The following PRKD2 variants were observed in gnomAD, a reference collection of about 807,000 sequenced individuals.
PRKD2 encodes the protein serine/threonine-protein kinase D2.
PRKD2 carries 22 observed loss-of-function variants against 86.0 expected under a neutral mutation model. The observed-to-expected ratio is 0.26, with a 90% CI of 0.18 to 0.37. The LOEUF is 0.37. Ranked by LOEUF, PRKD2 falls within the 10% of genes least tolerant of loss-of-function variation. The pLI is 1.00. For synonymous variants in PRKD2, 509 were observed against 510.9 expected, an observed-to-expected ratio of 1.00 and a Z score of 0.05; for missense variants, 818 against 1,199.2, an observed-to-expected ratio of 0.68 and a Z score of 4.70.
chr19:46,697,671 A>G (rs2122708366), intron 8 of PRKD2, 62 bp downstream of exon 8: 1 of 1,495,534 alleles, frequency 6.7e-7, no homozygotes, highest in African/African-American at 1.4e-5. Flanking sequence ...CGCCTACTCA[A>G]GCTGAGCCGC....
chr19:46,676,401 G>C (rs10415066), intron 16 of PRKD2, among the ~76,000 whole-genome samples: 3,700 of 152,200 alleles, frequency 0.024, 142 homozygotes, highest in African/African-American at 0.086. Flanking sequence ...CTCCAGCCCG[G>C]GTGACAAAAG....
At position 46,693,965 on chromosome 19, in the gene PRKD2, C is replaced by G. The variant is rs758778443; in HGVS notation, c.1486G>C (p.Ala496Pro). ...ATGGCTGTCTCCCAGCCCCGGGCGG[C>G]CTCAGCCCCCTGCCCACTTGGCCCA... Reference protein sequence around the residue: ...PGGPSGQGAEAARGWETAIRQ... With the variant: ...PGGPSGQGAEPARGWETAIRQ... Residue 496 changes from alanine (A) to proline (P), a missense_variant, in exon 10 of 18, where the codon GCC becomes CCC. Coordinates refer to ENST00000291281, the MANE Select transcript of PRKD2 (RefSeq NM_016457.5). The surrounding 1 kb of genome is among the most constrained non-coding windows in gnomAD (Gnocchi z 4.5). 9 of 1,612,624 alleles carry G rather than the reference C, an allele frequency of 5.6e-6. No homozygotes were observed. The highest frequency in any genetic ancestry group is 7.6e-6 in the Non-Finnish European group (9 of 1,179,964).
At chr19:46,703,185 G>A (rs2053658478) in intron 5 of PRKD2, among the ~76,000 whole-genome samples, 1 of 152,172 alleles carries the variant, frequency 6.6e-6, no homozygotes, top group Non-Finnish European at 1.5e-5. Flanking sequence ...GATCTAAGAT[G>A]TGTAATCTAA....
chr19:46,701,898 C>T (rs887455713), intron 5 of PRKD2, among the ~76,000 whole-genome samples: 6 of 152,050 alleles, frequency 3.9e-5, no homozygotes, highest in Non-Finnish European at 8.8e-5. Context: ...TGCCAAACAT[C>T]CCCTAGGAGC....
intron 5 of PRKD2, among the ~76,000 whole-genome samples, chr19:46,701,779 A>G (rs1439873522): frequency 1.3e-5 from 2 of 151,832 alleles, no homozygotes; most frequent in Non-Finnish European, 2.9e-5. Flanking sequence ...TCCTTGTTTT[A>G]GGGCACTTGC....
chr19:46,704,323 C>T lies in PRKD2; in HGVS notation c.735G>A (p.Ser245=), dbSNP rs759836835. The T allele has an allele frequency of 2.9e-5, 46 of 1,614,032 alleles. No individual in the cohort carries two copies. The South Asian group carries it at 4.0e-4, about 14-fold the overall frequency. Reference sequence around the variant, plus strand: ...CCAGCTCAATGGGGCGGCCCGTATACGATGAGGCAGAAGAGGAGGAAGAGG... The same window carrying T: ...CCAGCTCAATGGGGCGGCCCGTATATGATGAGGCAGAAGAGGAGGAAGAGG... The part of the protein sequence containing the change: ...PSSSSSSSAS[S]YTGRPIELDK... The change falls in exon 5 of 18, where the codon TCG becomes TCA. Residue 245 remains serine, a synonymous_variant. Coordinates refer to ENST00000291281, the MANE Select transcript of PRKD2 (RefSeq NM_016457.5).
chr19:46,687,409 G>GCACAGGCA (rs71177243), intron 14 of PRKD2, among the ~76,000 whole-genome samples: 83,087 of 151,070 alleles, frequency 0.55, 23,011 homozygotes, highest in Middle Eastern at 0.6. Context: ...CAAACAAAAA[G>GCACAGGCA]CACAGGCACA....
At chr19:46,687,430 C>A (rs2053418099) in intron 14 of PRKD2, among the ~76,000 whole-genome samples, 3 of 127,564 alleles carry the variant, frequency 2.4e-5, no homozygotes, top group Admixed American at 8.0e-5. Context: ...CAAGGAAAAT[C>A]TGTTTGAATG....
At chr19:46,690,024 G>T (rs928244012) in intron 13 of PRKD2, among the ~76,000 whole-genome samples, 4 of 152,132 alleles carry the variant, frequency 2.6e-5, no homozygotes, top group African/African-American at 9.7e-5. Context: ...ACAGGCGTGA[G>T]CCACCATGCC....
At chr19:46,697,382 C>A in intron 8 of PRKD2, 148 bp from the exon 9 acceptor site, 1 of 626,802 alleles carries the variant, frequency 1.6e-6, no homozygotes, top group Non-Finnish European at 2.8e-6. Flanking sequence ...CCCACCCCAC[C>A]ACACGCCCTA....
At chr19:46,680,946 A>ATATATATATATATATATATATATATATTT in intron 15 of PRKD2, among the ~76,000 whole-genome samples, 1 of 48,250 alleles carries the variant, frequency 2.1e-5, no homozygotes, top group Non-Finnish European at 4.0e-5. Context: ...ATATATATAT[A>ATATATATATATATATATATATATATATTT]TTTTTTTTTT....
In PRKD2 at chr19:46,681,157, C is replaced by T. The variant is rs181662606; in HGVS notation, c.2070+493G>A. Among the ~76,000 whole-genome samples, 942 of 150,508 alleles carry T rather than the reference C, an allele frequency of 6.3e-3. 4 individuals are homozygous for T. The highest frequency in any genetic ancestry group is 0.022 in the African/African-American group (883 of 41,044). ...ATTTTTAGTAGAGAAGGGGTTTCAC[C>T]GTGTTAGCCAGGATGGTCTCGATCT... On this transcript the variant is annotated intron_variant, in intron 15 of 17. Transcript: ENST00000291281.
chr19:46,698,769 A>G (rs1239841538), intron 7 of PRKD2, among the ~76,000 whole-genome samples: 2 of 152,156 alleles, frequency 1.3e-5, no homozygotes, highest in Non-Finnish European at 2.9e-5. Context: ...TTGAGAGATT[A>G]AGTGACTTGC....
intron 3 of PRKD2, among the ~76,000 whole-genome samples, 154 bp from the exon 4 acceptor site, chr19:46,704,803 G>A (rs1810749506): frequency 6.6e-6 from 1 of 151,980 alleles, no homozygotes; most frequent in Non-Finnish European, 1.5e-5. Flanking sequence ...CTATCCGTAA[G>A]TGTATCAGCC....
chr19:46,701,089 G>A lies in PRKD2; in HGVS notation c.913C>T (p.Arg305Cys), dbSNP rs765898055. 12 of 1,614,040 alleles carry A rather than the reference G, an allele frequency of 7.4e-6. No homozygotes were observed. The highest frequency in any genetic ancestry group is 6.7e-5 in the East Asian group (3 of 44,890). ...TCATTAGGGACGCGGGTGGCGCAGC[G>A]TTTGTGACAGTTAAACTTGCAGTCT... ...CKDCKFNCHKRCATRVPNDCL... is the reference protein window; with the variant it reads ...CKDCKFNCHKCCATRVPNDCL... The change falls in exon 6 of 18, where the codon CGC becomes TGC. Residue 305 changes from arginine (R) to cysteine (C), a missense_variant. Around this residue, in one of 5 missense-constraint regions of PRKD2, gnomAD observed 403 missense variants for 518.6 expected, o/e 0.78. Coordinates refer to ENST00000291281, the MANE Select transcript of PRKD2 (RefSeq NM_016457.5).
chr19:46,691,400 C>A (rs2053482022), intron 12 of PRKD2, among the ~76,000 whole-genome samples: 1 of 152,112 alleles, frequency 6.6e-6, no homozygotes, highest in Non-Finnish European at 1.5e-5. Flanking sequence ...AATGCAGAAT[C>A]TACTCTATCC....
chr19:46,689,430 C>T, intron 14 of PRKD2, 107 bp downstream of exon 14: 2 of 1,297,288 alleles, frequency 1.5e-6, no homozygotes, highest in Non-Finnish European at 2.1e-6. Context: ...CTGTTATCTG[C>T]TATTGTGACT....
chr19:46,702,142 G>A (rs968006994), intron 5 of PRKD2, among the ~76,000 whole-genome samples: 5 of 150,074 alleles, frequency 3.3e-5, no homozygotes, highest in South Asian at 4.2e-4. Flanking sequence ...AGGCTCAAGC[G>A]ATCTTCCCAC....
Position 46,711,640 on chromosome 19 carries a change from G to A in PRKD2, c.380-602C>T, listed in dbSNP as rs992661836. ...ACTCCCGACCTCAGGTGATCTGCCC[G>A]CCTCGGTCTCTCAAAGTGTTGGGAT... On this transcript the variant is annotated intron_variant, in intron 2 of 17. Coordinates refer to ENST00000291281, the MANE Select transcript of PRKD2 (RefSeq NM_016457.5). Among the ~76,000 whole-genome samples, 6 of 152,106 alleles carry A rather than the reference G, an allele frequency of 3.9e-5. No individual in the cohort carries two copies. The East Asian group carries it at 7.7e-4, about 20-fold the overall frequency.
Sources: gnomAD v4.1 joint callset for allele counts (sites outside exome capture counted in the v4.1 genomes callset) on GRCh38, gnomAD v4.1.1 for gene constraint, gnomAD v4.1.1 regional missense constraint, Gnocchi (gnomAD v3.1) non-coding constraint, MANE v1.5 for transcripts, NCBI Gene and HGNC (gene_info 2026-07-23, HGNC 2026-07-21) for gene names.